The following ZBTB7C variants were observed in gnomAD, a reference collection of about 807,000 sequenced individuals.
ZBTB7C encodes zinc finger and BTB domain containing 7C.
ZBTB7C carries 8 observed loss-of-function variants against 25.7 expected under a neutral mutation model. That is an observed-to-expected ratio of 0.31 (90% CI 0.18 to 0.56). The LOEUF (loss-of-function observed/expected upper bound fraction) is 0.56. ZBTB7C is among the 20% of genes least tolerant of loss of function. ZBTB7C has a pLI of 0.91. For missense variants in ZBTB7C, 824 were observed against 855.2 expected, an observed-to-expected ratio of 0.96 and a Z score of 0.46; for synonymous variants, 394 against 369.0, an observed-to-expected ratio of 1.07 and a Z score of -0.78.
At chr18:48,220,783 T>G (rs1445259575) in intron 2 of ZBTB7C, among the ~76,000 whole-genome samples, 1 of 152,026 alleles carries the variant, frequency 6.6e-6, no homozygotes, top group Non-Finnish European at 1.5e-5. Context: ...GAAGCAAATA[T>G]CATAAACTCC....
chr18:48,188,824 C>T (rs2042125792), intron 2 of ZBTB7C, among the ~76,000 whole-genome samples: 1 of 152,130 alleles, frequency 6.6e-6, no homozygotes, highest in African/African-American at 2.4e-5. Context: ...GCCTAGAAAG[C>T]CCCTTCCTGT....
intron 1 of ZBTB7C, among the ~76,000 whole-genome samples, chr18:48,369,328 T>C (rs1395986328): frequency 6.6e-6 from 1 of 151,848 alleles, no homozygotes; most frequent in Non-Finnish European, 1.5e-5. Flanking sequence ...CAAAGTAGAA[T>C]TCTAAAAAAT....
intron 2 of ZBTB7C, among the ~76,000 whole-genome samples, chr18:48,242,848 G>C (rs970457453): frequency 1.6e-4 from 25 of 152,126 alleles, no homozygotes; most frequent in Admixed American, 1.5e-3. Context: ...GTCCTAGCCA[G>C]AGCAATCAGA....
intron 2 of ZBTB7C, among the ~76,000 whole-genome samples, chr18:48,325,621 G>A (rs573664613): frequency 1.3e-5 from 2 of 152,224 alleles, no homozygotes; most frequent in Admixed American, 6.5e-5. Context: ...GCTACCCAGG[G>A]AGGTAAAGGA....
At chr18:48,133,724 G>A (rs916427894) in intron 3 of ZBTB7C, among the ~76,000 whole-genome samples, 1 of 152,106 alleles carries the variant, frequency 6.6e-6, no homozygotes, top group Non-Finnish European at 1.5e-5. Context: ...GAAGCAGGAG[G>A]CTTTAGAAAG....
rs2035563539 is a variant in ZBTB7C, at chr18:48,027,485, CGA to C, written c.*1773_*1774del. On this transcript the variant is annotated 3_prime_UTR_variant, in exon 5 of 5. Transcript: ENST00000590800. ...ATGCTTCAGAGAAAAGTGTCTGAAA[CGA>C]AGACAGGAATCTGAGAGGCGGCTGC... The C allele has an allele frequency of 1.3e-5, 2 of 151,548 alleles. No homozygotes were observed. Among genetic ancestry groups the C allele is most frequent in the Admixed American group, 6.6e-5 (1 of 15,180 alleles). The allele number at this position is 151,548 out of a possible 1,614,324, so 9.4% of individuals were successfully genotyped here.
At chr18:48,252,219 C>G (rs113809179) in intron 2 of ZBTB7C, 7 of 152,166 alleles carry the variant, frequency 4.6e-5, no homozygotes, top group African/African-American at 7.2e-5. Flanking sequence ...TGGACTCAAC[C>G]CAGGGGTTGA....
Position 48,053,503 on chromosome 18 carries a change from A to C in ZBTB7C, c.-16-12380T>G, listed in dbSNP as rs1416296886. 1.4e-4 allele frequency among the ~76,000 whole-genome samples: 21 copies of C among 152,144 alleles called. 1 individual carries two copies. Among genetic ancestry groups the C allele is most frequent in the Admixed American group, 1.4e-3 (21 of 15,262 alleles). Reference sequence around the variant, plus strand: ...TCGCTGTCCTAAATATTTTACATTTATATTTATATTTATATTTGCATTTAT... The same window carrying C: ...TCGCTGTCCTAAATATTTTACATTTCTATTTATATTTATATTTGCATTTAT... On this transcript the variant is annotated intron_variant, in intron 3 of 4. Coordinates refer to ENST00000590800, the MANE Select transcript of ZBTB7C (RefSeq NM_001318841.2).
chr18:48,238,209 A>G (rs1051214804), intron 2 of ZBTB7C, among the ~76,000 whole-genome samples: 6 of 152,214 alleles, frequency 3.9e-5, no homozygotes. Context: ...TGTTTGCATT[A>G]TAACTATTAA....
At chr18:48,068,089 C>T (rs1411333807) in intron 3 of ZBTB7C, among the ~76,000 whole-genome samples, 3 of 151,780 alleles carry the variant, frequency 2.0e-5, no homozygotes, top group East Asian at 1.9e-4. Context: ...CTGACTAATA[C>T]GACTTGGTTA....
At chr18:48,189,178 G>A (rs1568289590) in intron 2 of ZBTB7C, among the ~76,000 whole-genome samples, 1 of 152,200 alleles carries the variant, frequency 6.6e-6, no homozygotes, top group Non-Finnish European at 1.5e-5. Context: ...GCTGGCTGCA[G>A]AGCCCTGGAG....
At chr18:48,328,438 G>A (rs2046273635) in intron 2 of ZBTB7C, among the ~76,000 whole-genome samples, 1 of 152,130 alleles carries the variant, frequency 6.6e-6, no homozygotes. Flanking sequence ...CTTCTATGTT[G>A]TTATTTTTTT....
intron 1 of ZBTB7C, among the ~76,000 whole-genome samples, chr18:48,401,954 T>C (rs2145315659): frequency 6.6e-6 from 1 of 152,290 alleles, no homozygotes; most frequent in South Asian, 2.1e-4. Flanking sequence ...GATGCAATGA[T>C]GCTCTCACCC....
chr18:48,146,288 C>T (rs1356027083), intron 3 of ZBTB7C, among the ~76,000 whole-genome samples: 1 of 151,932 alleles, frequency 6.6e-6, no homozygotes, highest in Non-Finnish European at 1.5e-5. Flanking sequence ...TAATTGTTTC[C>T]AAAATTTTTT....
At chr18:48,158,326 C>G (rs1221753122) in intron 3 of ZBTB7C, among the ~76,000 whole-genome samples, 1 of 152,190 alleles carries the variant, frequency 6.6e-6, no homozygotes, top group African/African-American at 2.4e-5. Context: ...CTGGCCCTCG[C>G]AGGCTACAGG....
intron 3 of ZBTB7C, among the ~76,000 whole-genome samples, chr18:48,120,514 T>A (rs1308099125): frequency 6.6e-6 from 1 of 151,802 alleles, no homozygotes; most frequent in Non-Finnish European, 1.5e-5. Context: ...CCCAGTTGAA[T>A]CAGAAGAATC....
rs184041167 is a variant in ZBTB7C, at chr18:48,317,933, G to A, written c.-79+20241C>T. 4.0e-3 allele frequency among the ~76,000 whole-genome samples: 585 copies of A among 146,468 alleles called. 2 individuals carry two copies. Among genetic ancestry groups the A allele is most frequent in the Non-Finnish European group, 7.0e-3 (452 of 64,622 alleles). On this transcript the variant is annotated intron_variant, in intron 2 of 4. Coordinates refer to ENST00000590800, the MANE Select transcript of ZBTB7C (RefSeq NM_001318841.2). ...CAGCCTGGGTTGAGACAGCTCGCCCGACATTCAGCAGACCTTTCCCCTCTG... is the reference window on the plus strand; with the variant it reads ...CAGCCTGGGTTGAGACAGCTCGCCCAACATTCAGCAGACCTTTCCCCTCTG...
intron 3 of ZBTB7C, among the ~76,000 whole-genome samples, chr18:48,184,819 TTCTC>T (rs34659373): frequency 2.7e-3 from 402 of 146,634 alleles, no homozygotes; most frequent in African/African-American, 6.1e-3. Flanking sequence ...GTGGAGAATT[TTCTC>T]TCTCTCTCTC....
intron 3 of ZBTB7C, among the ~76,000 whole-genome samples, chr18:48,055,726 C>G (rs2036890034): frequency 6.6e-6 from 1 of 152,192 alleles, no homozygotes; most frequent in Non-Finnish European, 1.5e-5. Context: ...AATAGTTCAC[C>G]TGATTCAGCA....
Sources: allele counts gnomAD v4.1 joint callset (sites outside exome capture counted in the v4.1 genomes callset), GRCh38; gene constraint gnomAD v4.1.1; transcripts MANE v1.5; gene names NCBI Gene and HGNC (gene_info 2026-07-23, HGNC 2026-07-21).